ABCB5: variants seen among roughly 807,000 people sequenced by gnomAD.
ABCB5 encodes the protein ATP binding cassette subfamily B member 5, also known as ATP-binding cassette sub-family B member 5.
Under a neutral mutation model 144.2 loss-of-function variants are expected in ABCB5, and 155 were observed. That is an observed-to-expected ratio of 1.08 (90% CI 0.94 to 1.23). ABCB5 has a LOEUF of 1.23. Ranked by LOEUF, ABCB5 falls within the 50% of genes most tolerant of loss-of-function variation. ABCB5 has a pLI of 0.00. For synonymous variants in ABCB5, 610 were observed against 528.6 expected (o/e 1.15, Z -2.11); for missense variants, 1,830 against 1,520.8 (o/e 1.20, Z -3.38).
At chr7:20,739,958 G>A (rs917747972) in intron 24 of ABCB5, among the ~76,000 whole-genome samples, 8 of 152,164 alleles carry the variant, frequency 5.3e-5, no homozygotes, top group African/African-American at 9.7e-5. Flanking sequence ...ACAGCTGGGC[G>A]TGGTGGCTCA....
At chr7:20,699,976 ATTCT>A (rs1786560620) in intron 18 of ABCB5, 47 bp downstream of exon 18, 3 of 1,598,408 alleles carry the variant, frequency 1.9e-6, no homozygotes, top group Non-Finnish European at 2.6e-6. Flanking sequence ...TTTTGTTGCC[ATTCT>A]TTCTATTTGA....
At chr7:20,638,495 C>T (rs1271728799) in intron 5 of ABCB5, among the ~76,000 whole-genome samples, 1 of 152,200 alleles carries the variant, frequency 6.6e-6, no homozygotes, top group African/African-American at 2.4e-5. Context: ...CTACAAAGAT[C>T]TTCATTTGCA....
rs779959892 is a variant in ABCB5 at position 20,723,141 on chromosome 7, C to T, written c.2547C>T (p.Ala849=). 25 of 1,613,884 alleles carry T rather than the reference C, an allele frequency of 1.5e-5. No individual in the cohort carries two copies. The highest frequency in any genetic ancestry group is 1.6e-4 in the Middle Eastern group (1 of 6,082). The change falls in exon 21 of 28, where the codon GCC becomes GCT. Residue 849 remains alanine (A), a synonymous_variant. Coordinates refer to ENST00000404938, the MANE Select transcript of ABCB5 (RefSeq NM_001163941.2). The stretch of plus-strand genomic sequence containing the variant: ...TTCTGAGTATTGCTCCAGTACTTGC[C>T]GTGACAGGAATGATTGAAACCGCAG... The part of the protein sequence containing the change: ...FLILSIAPVL[A]VTGMIETAAM...
chr7:20,646,393 C>T (rs1237672492), intron 9 of ABCB5, among the ~76,000 whole-genome samples: 1 of 152,166 alleles, frequency 6.6e-6, no homozygotes, highest in Non-Finnish European at 1.5e-5. Context: ...AATTGAATTC[C>T]CCACTGGGAA....
Position 20,704,815 on chromosome 7 carries a change from T to C in ABCB5, c.2421+8T>C. On this transcript the variant is annotated splice_region_variant and intron_variant, in intron 20 of 27. Coordinates refer to ENST00000404938, the MANE Select transcript of ABCB5 (RefSeq NM_001163941.2). ...ATAGCACAAATTCAAGGAGTATGTA[T>C]ATTGTTTTTATTGTAAATGATGTAT... 2 of 1,597,794 alleles carry C rather than the reference T, an allele frequency of 1.3e-6. No individual in the cohort carries two copies. Among genetic ancestry groups the C allele is most frequent in the South Asian group, 1.1e-5 (1 of 90,530 alleles).
At chr7:20,694,607 G>A (rs560320161) in intron 16 of ABCB5, among the ~76,000 whole-genome samples, 2 of 152,054 alleles carry the variant, frequency 1.3e-5, no homozygotes, top group East Asian at 3.9e-4. Context: ...AATAAGGCAA[G>A]AAAATAAAAG....
At chr7:20,629,424 G>A (rs1033674870) in intron 4 of ABCB5, among the ~76,000 whole-genome samples, 10 of 152,032 alleles carry the variant, frequency 6.6e-5, no homozygotes, top group African/African-American at 9.7e-5. Flanking sequence ...TTAATCAAAC[G>A]CTTGGGCCAT....
At chr7:20,721,111 C>T (rs1309592731) in intron 20 of ABCB5, among the ~76,000 whole-genome samples, 5 of 152,058 alleles carry the variant, frequency 3.3e-5, no homozygotes, top group African/African-American at 1.2e-4. Flanking sequence ...AAGCATTAAA[C>T]GATAGTTATG....
intron 20 of ABCB5, among the ~76,000 whole-genome samples, chr7:20,706,024 G>T (rs925908630): frequency 1.3e-5 from 2 of 152,102 alleles, no homozygotes; most frequent in African/African-American, 4.8e-5. Flanking sequence ...TTGAAGGCAA[G>T]GTTCTAGAAT....
In ABCB5 at chr7:20,706,486, G is replaced by A. The variant is rs192589403; in HGVS notation, c.2421+1679G>A. Among the ~76,000 whole-genome samples the A allele has an allele frequency of 1.9e-3, 291 of 152,306 alleles. 1 individual carries two copies. Among genetic ancestry groups the A allele is most frequent in the African/African-American group, 6.8e-3 (281 of 41,570 alleles). ...ATTTATTAATTGTTACTAATAAATA[G>A]TATTGTCCCTGAGGGAAATTACGGG... On this transcript the variant is annotated intron_variant, in intron 20 of 27. Transcript: ENST00000404938.
intron 15 of ABCB5, among the ~76,000 whole-genome samples, chr7:20,684,257 G>C (rs1785919349): frequency 6.6e-6 from 1 of 152,146 alleles, no homozygotes; most frequent in South Asian, 2.1e-4. Context: ...TAGTGAGTTT[G>C]TATGTGAAAA....
At chr7:20,662,304 A>G (rs1470208921) in intron 14 of ABCB5, among the ~76,000 whole-genome samples, 2 of 152,192 alleles carry the variant, frequency 1.3e-5, no homozygotes, top group Non-Finnish European at 2.9e-5. Context: ...CTTTCTCCCT[A>G]TGATGCGCCC....
intron 7 of ABCB5, among the ~76,000 whole-genome samples, 192 bp downstream of exon 7, chr7:20,643,824 A>G (rs12669250): frequency 0.092 from 13,976 of 152,302 alleles, 707 homozygotes; most frequent in East Asian, 0.16. Context: ...TTTGGCTAAG[A>G]TGAAATGTTT....
At chr7:20,747,880 C>T (rs1008929787) in intron 26 of ABCB5, among the ~76,000 whole-genome samples, 3 of 152,056 alleles carry the variant, frequency 2.0e-5, no homozygotes, top group Non-Finnish European at 4.4e-5. Context: ...TTACTAAATG[C>T]CTTCGGTTAG....
At position 20,714,102 on chromosome 7, in the gene ABCB5, A is replaced by G. The variant is rs1781588354; in HGVS notation, c.2422-8914A>G. Reference sequence around the variant, plus strand: ...TCAGTGTCTTGAAAACCACTGGTTCATGTATTTTGTCTATTTTTTGTTTGG... The same window carrying G: ...TCAGTGTCTTGAAAACCACTGGTTCGTGTATTTTGTCTATTTTTTGTTTGG... On this transcript the variant is annotated intron_variant, in intron 20 of 27. Transcript: ENST00000404938. Among the ~76,000 whole-genome samples, 3 of 152,178 alleles carry G rather than the reference A, an allele frequency of 2.0e-5. No homozygotes were observed. The South Asian group carries it at 6.2e-4, about 32-fold the overall frequency.
chr7:20,749,395 ATTTTTTTTTTTTT>A (rs34687757), intron 26 of ABCB5, among the ~76,000 whole-genome samples: 1 of 81,942 alleles, frequency 1.2e-5, no homozygotes, highest in East Asian at 3.2e-4. Flanking sequence ...TGCCTGCCTA[ATTTTTTTTTTTTT>A]TTTTTTTTTT....
At chr7:20,665,866 TA>T (rs5882752) in intron 14 of ABCB5, among the ~76,000 whole-genome samples, 129,080 of 145,258 alleles carry the variant, frequency 0.89, 57,340 homozygotes, top group East Asian at 0.96. Context: ...ATTTTGCAGT[TA>T]AAAAAAAAAA....
Position 20,658,541 on chromosome 7 carries a change from A to C in ABCB5, c.1572A>C (p.Gln524His), listed in dbSNP as rs112064254. ...CATTGGTAGGGGAAAAAGGAGCTCA[A>C]ATGAGTGGAGGGCAGAAACAGAGGA... ...FNTLVGEKGA[Q>H]MSGGQKQRIA... Residue 524 changes from glutamine (Q) to histidine (H), a missense_variant, in exon 14 of 28, where the codon CAA becomes CAC. Transcript: ENST00000404938. The C allele has an allele frequency of 5.2e-5, 84 of 1,614,146 alleles. No individual in the cohort carries two copies. In the African/African-American group the frequency reaches 8.4e-4, roughly 16 times the overall value.
At position 20,743,048 on chromosome 7, in the gene ABCB5, C is replaced by A; in HGVS notation, c.3196C>A (p.Leu1066Ile). The change falls in exon 25 of 28, where the codon CTT (leucine) becomes ATT (isoleucine). Residue 1066 changes from leucine to isoleucine, a missense_variant. By Grantham distance (5) the Leu-to-Ile change is conservative (BLOSUM62 2). Coordinates refer to ENST00000404938, the MANE Select transcript of ABCB5 (RefSeq NM_001163941.2). ...KSTSVQLLQRLYDPVQGQVLF... is the reference protein window; with the variant it reads ...KSTSVQLLQRIYDPVQGQVLF... The stretch of plus-strand genomic sequence containing the variant: ...CACTTCTGTTCAACTTCTGCAGAGA[C>A]TTTATGACCCCGTGCAAGGACAAGT... The A allele has an allele frequency of 6.2e-7, 1 of 1,614,046 alleles. No homozygotes were observed. Among genetic ancestry groups the A allele is most frequent in the South Asian group, 1.1e-5 (1 of 91,074 alleles).
Sources: allele counts gnomAD v4.1 joint callset (sites outside exome capture counted in the v4.1 genomes callset), GRCh38; gene constraint gnomAD v4.1.1; transcripts MANE v1.5; gene names NCBI Gene and HGNC (gene_info 2026-07-23, HGNC 2026-07-21).